The following KCNIP4 variants were observed in gnomAD, a reference collection of about 807,000 sequenced individuals.
KCNIP4 encodes the protein Kv channel-interacting protein 4.
In KCNIP4, 12 loss-of-function variants were observed where a neutral mutation model predicts 34.0. The observed-to-expected ratio is 0.35, with a 90% CI of 0.23 to 0.57. The LOEUF is 0.57. Ranked by LOEUF, KCNIP4 falls within the 20% of genes least tolerant of loss-of-function variation. The probability of loss-of-function intolerance (pLI) is 0.83; values close to 1 mark genes in which losing one functional copy is unlikely to be tolerated. For missense variants in KCNIP4, 238 were observed against 311.7 expected, an observed-to-expected ratio of 0.76 and a Z score of 1.78; for synonymous variants, 124 against 102.2, an observed-to-expected ratio of 1.21 and a Z score of -1.29.
intron 1 of KCNIP4, among the ~76,000 whole-genome samples, chr4:21,320,128 T>C (rs1328796435): frequency 2.0e-5 from 3 of 152,222 alleles, no homozygotes; most frequent in African/African-American, 4.8e-5. Context: ...AAATTTGTGA[T>C]CTGAAACAGA....
intron 1 of KCNIP4, among the ~76,000 whole-genome samples, chr4:21,431,270 G>A (rs746300219): frequency 2.6e-5 from 4 of 152,020 alleles, no homozygotes; most frequent in Non-Finnish European, 5.9e-5. Context: ...TTAAGAGTCT[G>A]AAGAACCAAA....
At chr4:21,484,356 G>A (rs1321083162) in intron 1 of KCNIP4, among the ~76,000 whole-genome samples, 2 of 152,168 alleles carry the variant, frequency 1.3e-5, no homozygotes, top group Middle Eastern at 6.8e-3. Context: ...GAACCTGGGA[G>A]GTGGAGGTTG....
At chr4:20,834,906 T>C (rs1718859869) in intron 3 of KCNIP4, among the ~76,000 whole-genome samples, 2 of 152,224 alleles carry the variant, frequency 1.3e-5, no homozygotes, top group African/African-American at 4.8e-5. Flanking sequence ...ATTTACTGAA[T>C]ATTGTGGTTC....
intron 1 of KCNIP4, among the ~76,000 whole-genome samples, chr4:21,236,526 T>C (rs1434829594): frequency 6.6e-6 from 1 of 152,192 alleles, no homozygotes; most frequent in Non-Finnish European, 1.5e-5. Flanking sequence ...TATTAAGCAG[T>C]CTTGAGATAA....
intron 1 of KCNIP4, among the ~76,000 whole-genome samples, chr4:21,479,859 T>C (rs1241305985): frequency 6.6e-6 from 1 of 151,900 alleles, no homozygotes; most frequent in Non-Finnish European, 1.5e-5. Flanking sequence ...AGCCAGTTAT[T>C]TGAAATTATC....
chr4:21,557,088 T>A (rs1739127375), intron 1 of KCNIP4, among the ~76,000 whole-genome samples: 1 of 152,112 alleles, frequency 6.6e-6, no homozygotes, highest in Admixed American at 6.6e-5. Flanking sequence ...ATTGCATATC[T>A]TCCAGTAGTG....
At chr4:21,544,104 C>T (rs1453892426) in intron 1 of KCNIP4, among the ~76,000 whole-genome samples, 4 of 152,116 alleles carry the variant, frequency 2.6e-5, no homozygotes, top group Non-Finnish European at 4.4e-5. Flanking sequence ...TCATATTTTC[C>T]GGATGGTCTT....
chr4:21,750,994 G>A (rs1218889059), intron 1 of KCNIP4, among the ~76,000 whole-genome samples: 1 of 152,110 alleles, frequency 6.6e-6, no homozygotes, highest in Non-Finnish European at 1.5e-5. Context: ...GAAGTAGGGG[G>A]TCCTACTGTA....
intron 1 of KCNIP4, among the ~76,000 whole-genome samples, chr4:20,979,856 C>T (rs78415381): frequency 0.018 from 2,669 of 152,166 alleles, 81 homozygotes; most frequent in African/African-American, 0.061. Flanking sequence ...GTGTTGAACC[C>T]CAAGTAACTT....
chr4:20,792,217 T>C (rs1441970077), intron 3 of KCNIP4, among the ~76,000 whole-genome samples: 2 of 151,858 alleles, frequency 1.3e-5, no homozygotes, highest in South Asian at 2.1e-4. Context: ...CTACTAAAAA[T>C]ACAAAAATTA....
At position 21,069,037 on chromosome 4, in the gene KCNIP4, G is replaced by A. The variant is rs972557376; in HGVS notation, c.62-186328C>T. On this transcript the variant is annotated intron_variant, in intron 1 of 8. Coordinates refer to ENST00000382152, the MANE Select transcript of KCNIP4 (RefSeq NM_025221.6). ...GCCTGAGATTGTACATCTAAAAAAG[G>A]GGCAGATAAAAATGTTACTTTCTTC... is the stretch of plus-strand genomic sequence containing the variant. 2.6e-5 allele frequency among the ~76,000 whole-genome samples: 4 copies of A among 152,040 alleles called. No individual in the cohort carries two copies. In the East Asian group the frequency reaches 7.7e-4, roughly 29 times the overall value.
At chr4:21,048,290 A>AT (rs1396372190) in intron 1 of KCNIP4, among the ~76,000 whole-genome samples, 24 of 152,200 alleles carry the variant, frequency 1.6e-4, no homozygotes, top group Non-Finnish European at 3.4e-4. Context: ...GTGATCTGGA[A>AT]CATGTAAACT....
At chr4:21,948,143 G>T (rs894121062) in intron 1 of KCNIP4, among the ~76,000 whole-genome samples, 11 of 152,182 alleles carry the variant, frequency 7.2e-5, no homozygotes, top group African/African-American at 2.7e-4. Context: ...TTGTAATGAA[G>T]AAACGTGTGG....
chr4:21,259,548 G>T (rs1444665389), intron 1 of KCNIP4, among the ~76,000 whole-genome samples: 3 of 151,926 alleles, frequency 2.0e-5, no homozygotes, highest in Non-Finnish European at 4.4e-5. Context: ...TTCTGCCATT[G>T]GCTACTGGTT....
At chr4:21,719,596 C>A (rs1042873067) in intron 1 of KCNIP4, among the ~76,000 whole-genome samples, 4 of 152,076 alleles carry the variant, frequency 2.6e-5, no homozygotes, top group African/African-American at 9.7e-5. Context: ...TTGTGTGGTT[C>A]AGTAGAGTCT....
At chr4:21,617,881 G>A (rs920036812) in intron 1 of KCNIP4, among the ~76,000 whole-genome samples, 6 of 152,124 alleles carry the variant, frequency 3.9e-5, no homozygotes, top group Non-Finnish European at 8.8e-5. Context: ...ATCCTACAGG[G>A]ACTCAAAAAG....
rs1491418019 is a variant in KCNIP4, at chr4:21,470,824, A to AAC, written c.61+477746_61+477747insGT. Among the ~76,000 whole-genome samples, 4 of 29,220 alleles carry AAC rather than the reference A, an allele frequency of 1.4e-4. No individual in the cohort carries two copies. In the South Asian group the frequency reaches 2.8e-3, roughly 21 times the overall value. 19.2% of individuals were successfully genotyped at this position (29,220 alleles called of 152,430 possible). A position where few individuals can be genotyped will look rare whatever the true frequency, so the allele number is the denominator to read the frequency against. On this transcript the variant is annotated intron_variant, in intron 1 of 8. Transcript: ENST00000382152. ...AAGGGCCAGCTGTTGATAATTTAAC[A>AAC]AAAAAAAAAAAGTCCTCTTTGAAAA...
intron 5 of KCNIP4, among the ~76,000 whole-genome samples, chr4:20,738,360 C>T (rs887169894): frequency 2.0e-5 from 3 of 152,096 alleles, no homozygotes; most frequent in Non-Finnish European, 2.9e-5. Context: ...TATTGGTTCT[C>T]AAAATATAAT....
intron 2 of KCNIP4, among the ~76,000 whole-genome samples, chr4:20,859,166 G>A (rs1286244481): frequency 6.6e-6 from 1 of 152,138 alleles, no homozygotes; most frequent in African/African-American, 2.4e-5. Context: ...AGAAACACAT[G>A]GTAGAATAAG....
Sources: allele counts gnomAD v4.1 joint callset (sites outside exome capture counted in the v4.1 genomes callset), GRCh38; gene constraint gnomAD v4.1.1; transcripts MANE v1.5; gene names NCBI Gene and HGNC (gene_info 2026-07-23, HGNC 2026-07-21).